Variants in NKAIN3 observed in about 807,000 individuals in gnomAD.
The protein encoded by NKAIN3 is sodium/potassium transporting ATPase interacting 3.
In NKAIN3, 25 loss-of-function variants were observed where a neutral mutation model predicts 30.2. The ratio of observed to expected loss-of-function variants is 0.83; its 90% CI spans 0.60 to 1.16. NKAIN3 has a LOEUF of 1.16. NKAIN3 is among the 50% of genes most tolerant of loss of function. The probability of loss-of-function intolerance (pLI) is 0.00; values close to 1 mark genes in which losing one functional copy is unlikely to be tolerated. For synonymous variants in NKAIN3, 91 were observed against 89.6 expected, an observed-to-expected ratio of 1.02 and a Z score of -0.09; for missense variants, 225 against 254.1, an observed-to-expected ratio of 0.89 and a Z score of 0.78.
intron 3 of NKAIN3, among the ~76,000 whole-genome samples, chr8:62,705,158 G>A (rs1814478376): frequency 6.6e-6 from 1 of 152,112 alleles, no homozygotes; most frequent in African/African-American, 2.4e-5. Context: ...AGTACTGAAG[G>A]TACGTCATAT....
In NKAIN3 at chr8:62,684,039, TGC is replaced by T. The variant is rs539287025; in HGVS notation, c.274-62892_274-62891del. ...CCCAACTCCCACTACAACCTTACCTTGCATTCCTCTCAAATACAGACTGCAGC... is the reference window on the plus strand; with the variant it reads ...CCCAACTCCCACTACAACCTTACCTTATTCCTCTCAAATACAGACTGCAGC... On this transcript the variant is annotated intron_variant, in intron 3 of 6. Coordinates refer to ENST00000623646, the MANE Select transcript of NKAIN3 (RefSeq NM_001304533.3). 4.2e-3 allele frequency among the ~76,000 whole-genome samples: 640 copies of T among 152,310 alleles called. 6 individuals carry two copies. The highest frequency in any genetic ancestry group is 0.015 in the African/African-American group (616 of 41,572).
chr8:62,752,570 G>A (rs192895737), intron 4 of NKAIN3, among the ~76,000 whole-genome samples: 1 of 152,190 alleles, frequency 6.6e-6, no homozygotes, highest in African/African-American at 2.4e-5. Flanking sequence ...GCATTTGTTG[G>A]ACTGAATATA....
intron 1 of NKAIN3, among the ~76,000 whole-genome samples, chr8:62,390,330 G>A (rs751860339): frequency 6.6e-6 from 1 of 152,112 alleles, no homozygotes; most frequent in Non-Finnish European, 1.5e-5. Flanking sequence ...ATTTGCTAAG[G>A]ATAATGTCTG....
intron 4 of NKAIN3, among the ~76,000 whole-genome samples, chr8:62,793,234 A>T (rs1817755496): frequency 6.6e-6 from 1 of 151,852 alleles, no homozygotes; most frequent in Non-Finnish European, 1.5e-5. Flanking sequence ...CAAGAACAAG[A>T]GTTGGACTCA....
intron 3 of NKAIN3, among the ~76,000 whole-genome samples, chr8:62,607,854 T>C (rs1811174460): frequency 6.6e-6 from 1 of 152,152 alleles, no homozygotes; most frequent in South Asian, 2.1e-4. Flanking sequence ...GTGATCATTT[T>C]CTGAATGTTA....
chr8:62,692,387 C>T (rs1252502433), intron 3 of NKAIN3, among the ~76,000 whole-genome samples: 1 of 152,094 alleles, frequency 6.6e-6, no homozygotes, highest in Non-Finnish European at 1.5e-5. Context: ...TTGAGAAAAG[C>T]ACAACACAGG....
At chr8:62,807,121 T>G (rs1458325645) in intron 4 of NKAIN3, among the ~76,000 whole-genome samples, 1 of 152,176 alleles carries the variant, frequency 6.6e-6, no homozygotes, top group Non-Finnish European at 1.5e-5. Flanking sequence ...TTTGTGCACA[T>G]ATGCATTTGT....
Position 62,402,799 on chromosome 8 carries a change from C to T in NKAIN3, c.54+153672C>T, listed in dbSNP as rs542437305. Reference sequence around the variant, plus strand: ...ACAGACTAATACAGTAAATTGGTACCGCAAAAAGTGGGGTGCTGCTGTAAA... The same window carrying T: ...ACAGACTAATACAGTAAATTGGTACTGCAAAAAGTGGGGTGCTGCTGTAAA... On this transcript the variant is annotated intron_variant, in intron 1 of 6. Transcript: ENST00000623646. Among the ~76,000 whole-genome samples the T allele has an allele frequency of 1.2e-4, 19 of 152,056 alleles. No homozygotes were observed. In the East Asian group the frequency reaches 1.3e-3, roughly 11 times the overall value.
intron 4 of NKAIN3, among the ~76,000 whole-genome samples, chr8:62,765,968 T>C (rs1383015374): frequency 3.3e-5 from 5 of 152,210 alleles, no homozygotes; most frequent in Non-Finnish European, 7.3e-5. Flanking sequence ...TATTTATTGC[T>C]GAGTTGTTTT....
At chr8:62,863,083 A>G (rs937146558) in intron 4 of NKAIN3, 4 of 1,123,564 alleles carry the variant, frequency 3.6e-6, no homozygotes, top group Non-Finnish European at 5.3e-6. Context: ...TATATCTCTC[A>G]AGTTAAGAAA....
intron 1 of NKAIN3, among the ~76,000 whole-genome samples, chr8:62,368,349 A>AACATAT (rs1310601536): frequency 1.6e-4 from 24 of 152,188 alleles, no homozygotes; most frequent in African/African-American, 5.8e-4. Context: ...ATTTCACAAT[A>AACATAT]ACATATACAA....
chr8:62,810,997 A>G (rs1037579527), intron 4 of NKAIN3, among the ~76,000 whole-genome samples: 13 of 152,136 alleles, frequency 8.5e-5, no homozygotes, highest in Non-Finnish European at 1.8e-4. Context: ...GAACAATTTC[A>G]TCAGCACAGG....
At chr8:62,495,473 T>A (rs1295719217) in intron 1 of NKAIN3, among the ~76,000 whole-genome samples, 1 of 151,090 alleles carries the variant, frequency 6.6e-6, no homozygotes, top group East Asian at 1.9e-4. Flanking sequence ...TATCAAGAAA[T>A]TTTTTTTGGT....
At chr8:62,435,051 G>C (rs1805126276) in intron 1 of NKAIN3, among the ~76,000 whole-genome samples, 1 of 152,148 alleles carries the variant, frequency 6.6e-6, no homozygotes, top group Admixed American at 6.6e-5. Context: ...GAGAAACAGA[G>C]GAGGACAGGA....
At chr8:62,548,055 C>G (rs1809072677) in intron 1 of NKAIN3, among the ~76,000 whole-genome samples, 1 of 152,102 alleles carries the variant, frequency 6.6e-6, no homozygotes, top group Non-Finnish European at 1.5e-5. Flanking sequence ...ACAAACGCAA[C>G]CTCTGTTGGC....
intron 1 of NKAIN3, among the ~76,000 whole-genome samples, chr8:62,522,690 T>C (rs564429256): frequency 1.3e-5 from 2 of 151,970 alleles, no homozygotes. Context: ...AATAAAAAAG[T>C]TTAAAAAGTT....
At position 62,802,303 on chromosome 8, in the gene NKAIN3, A is replaced by G. The variant is rs553286422; in HGVS notation, c.471+55174A>G. ...GATACTCCTCGAGAAGAGCAACTCCAAGACACGTAGTTGTCAGATTCACCA... is the reference window on the plus strand; with the variant it reads ...GATACTCCTCGAGAAGAGCAACTCCGAGACACGTAGTTGTCAGATTCACCA... On this transcript the variant is annotated intron_variant, in intron 4 of 6. Transcript: ENST00000623646. Among the ~76,000 whole-genome samples, 236 of 152,310 alleles carry G rather than the reference A, an allele frequency of 1.5e-3. 1 individual carries two copies. Among genetic ancestry groups the G allele is most frequent in the African/African-American group, 5.3e-3 (219 of 41,580 alleles).
chr8:62,668,780 T>C (rs1056762242), intron 3 of NKAIN3, among the ~76,000 whole-genome samples: 2 of 152,184 alleles, frequency 1.3e-5, no homozygotes, highest in African/African-American at 4.8e-5. Context: ...AAAATATTTT[T>C]AAAATTTTAA....
At chr8:62,645,077 G>A (rs1812420283) in intron 3 of NKAIN3, among the ~76,000 whole-genome samples, 1 of 152,106 alleles carries the variant, frequency 6.6e-6, no homozygotes, top group South Asian at 2.1e-4. Flanking sequence ...AAATCGCAGT[G>A]GTCTCTTGAT....
Sources: allele counts gnomAD v4.1 joint callset (sites outside exome capture counted in the v4.1 genomes callset), GRCh38; gene constraint gnomAD v4.1.1; transcripts MANE v1.5; gene names NCBI Gene and HGNC (gene_info 2026-07-23, HGNC 2026-07-21).